ICA1: variants seen among roughly 807,000 people sequenced by gnomAD.
ICA1 encodes the protein islet cell autoantigen 1, also known as 69 kDa islet cell autoantigen.
In ICA1, 40 loss-of-function variants were observed where a neutral mutation model predicts 71.0. The ratio of observed to expected loss-of-function variants is 0.56; its 90% confidence interval spans 0.44 to 0.73. The LOEUF is 0.73. Ranked by LOEUF, ICA1 falls within the 30% of genes least tolerant of loss-of-function variation. ICA1 has a pLI of 0.00. For missense variants in ICA1, 578 were observed against 576.5 expected (o/e 1.00, Z -0.03); for synonymous variants, 207 against 209.5 (o/e 0.99, Z 0.10).
At chr7:8,213,418 G>C (rs1252601097) in intron 6 of ICA1, among the ~76,000 whole-genome samples, 5 of 152,154 alleles carry the variant, frequency 3.3e-5, no homozygotes, top group Non-Finnish European at 4.4e-5. Flanking sequence ...ACTGGCATAG[G>C]GGGAGGTGTC....
chr7:8,181,592 T>C (rs1485565157), intron 6 of ICA1, among the ~76,000 whole-genome samples: 1 of 152,198 alleles, frequency 6.6e-6, no homozygotes, highest in Non-Finnish European at 1.5e-5. Flanking sequence ...AGTCTTCTAA[T>C]TCATAAATAT....
chr7:8,192,110 C>T (rs970238335), intron 6 of ICA1, among the ~76,000 whole-genome samples: 6 of 152,080 alleles, frequency 3.9e-5, no homozygotes, highest in Non-Finnish European at 7.4e-5. Flanking sequence ...TCTTACATAA[C>T]CACAGTACAA....
In ICA1 at chr7:8,176,450, T is replaced by C. The variant is rs1312459488; in HGVS notation, c.580-17798A>G. On this transcript the variant is annotated intron_variant, in intron 6 of 13. Transcript: ENST00000402384. ...TCAGTGCACTTTGCAGACGCCCTTATGAGACAAAACCGTGGTAAGTGCCAC... is the reference window on the plus strand; with the variant it reads ...TCAGTGCACTTTGCAGACGCCCTTACGAGACAAAACCGTGGTAAGTGCCAC... 2.6e-5 allele frequency among the ~76,000 whole-genome samples: 4 copies of C among 152,350 alleles called. No individual in the cohort carries two copies. The East Asian group carries it at 7.7e-4, about 29-fold the overall frequency.
At chr7:8,124,668 C>G (rs955743630) in intron 13 of ICA1, among the ~76,000 whole-genome samples, 1 of 152,182 alleles carries the variant, frequency 6.6e-6, no homozygotes, top group East Asian at 1.9e-4. Flanking sequence ...GAATGGTCTG[C>G]TTGTTTCAAC....
At chr7:8,157,000 C>G (rs746181879) in intron 8 of ICA1, 116 bp downstream of exon 8, 3 of 1,594,064 alleles carry the variant, frequency 1.9e-6, no homozygotes, top group Non-Finnish European at 2.6e-6. Flanking sequence ...GCACAGTTCT[C>G]TCTTCAGCAT....
intron 6 of ICA1, among the ~76,000 whole-genome samples, chr7:8,161,546 C>T (rs1203682694): frequency 6.6e-6 from 1 of 152,234 alleles, no homozygotes; most frequent in Admixed American, 6.5e-5. Flanking sequence ...AAACTGTAAG[C>T]TTGACAAAAC....
chr7:8,211,868 T>C (rs1793901327), intron 6 of ICA1, among the ~76,000 whole-genome samples: 1 of 152,200 alleles, frequency 6.6e-6, no homozygotes, highest in African/African-American at 2.4e-5. Context: ...TCTGCCATGG[T>C]ATTGTGAAAG....
In ICA1 at chr7:8,203,353, A is replaced by T. The variant is rs185271568; in HGVS notation, c.579+14952T>A. Among the ~76,000 whole-genome samples the T allele has an allele frequency of 4.5e-3, 684 of 152,328 alleles. 12 individuals are homozygous for T. The highest frequency in any genetic ancestry group is 0.016 in the African/African-American group (662 of 41,566). On this transcript the variant is annotated intron_variant, in intron 6 of 13. Transcript: ENST00000402384. Reference sequence around the variant, plus strand: ...ATTCTATTAAAAAAAAAGTTAAGACATAAGAAATCTTCATATAAGTCAGAT... The same window carrying T: ...ATTCTATTAAAAAAAAAGTTAAGACTTAAGAAATCTTCATATAAGTCAGAT...
At chr7:8,150,463 A>G (rs145203843) in intron 8 of ICA1, among the ~76,000 whole-genome samples, 25 of 152,342 alleles carry the variant, frequency 1.6e-4, no homozygotes, top group African/African-American at 6.0e-4. Context: ...ACCCAGTTAA[A>G]CCTTGTATTC....
At chr7:8,189,110 A>T (rs1037059267) in intron 6 of ICA1, among the ~76,000 whole-genome samples, 1 of 152,200 alleles carries the variant, frequency 6.6e-6, no homozygotes, top group Non-Finnish European at 1.5e-5. Flanking sequence ...TTGCAATCAT[A>T]GCACTTATGA....
At chr7:8,155,456 A>G (rs6948858) in intron 8 of ICA1, among the ~76,000 whole-genome samples, 93,658 of 152,080 alleles carry the variant, frequency 0.62, 28,997 homozygotes, top group Middle Eastern at 0.76. Context: ...CCAGGGATAC[A>G]CATGTGGGTT....
chr7:8,169,283 T>C (rs1285264915), intron 6 of ICA1, among the ~76,000 whole-genome samples: 2 of 152,178 alleles, frequency 1.3e-5, no homozygotes, highest in Non-Finnish European at 2.9e-5. Flanking sequence ...TTGTTTATTG[T>C]TTCCAATTTT....
At chr7:8,236,557 C>G (rs1345136402) in intron 1 of ICA1, among the ~76,000 whole-genome samples, 2 of 152,050 alleles carry the variant, frequency 1.3e-5, no homozygotes, top group Admixed American at 1.3e-4. Flanking sequence ...CAAACCAGCA[C>G]ATTGCAAAAA....
intron 1 of ICA1, among the ~76,000 whole-genome samples, chr7:8,255,937 CTAATTTT>C (rs2128548208): frequency 6.6e-6 from 1 of 152,154 alleles, no homozygotes; most frequent in African/African-American, 2.4e-5. Context: ...CCACACCCAG[CTAATTTT>C]TTAAATTGTT....
chr7:8,180,071 T>A (rs1241609765), intron 6 of ICA1, among the ~76,000 whole-genome samples: 2 of 151,072 alleles, frequency 1.3e-5, no homozygotes, highest in Non-Finnish European at 2.9e-5. Context: ...AAATATACAG[T>A]TTTTTTTGCT....
Position 8,143,885 on chromosome 7 carries a change from C to T in ICA1, c.892G>A (p.Glu298Lys), listed in dbSNP as rs1315383464. ...QQESTDAAVQ[E>K]PSQLISLEEE... ...GAACCTGTGACTTACTGGCTCGGCT[C>T]CTGCACGGCTGCATCTGTACTTTCC... The change falls in exon 9 of 14, where the codon GAG becomes AAG. Residue 298 changes from glutamate to lysine, a missense_variant. Physicochemically the swap from Glu to Lys is moderately conservative, Grantham distance 56 (BLOSUM62 1). Transcript: ENST00000402384. The T allele has an allele frequency of 6.2e-7, 1 of 1,608,114 alleles. No homozygotes were observed. Among genetic ancestry groups the T allele is most frequent in the Admixed American group, 1.7e-5 (1 of 59,924 alleles).
chr7:8,154,205 AT>A (rs1347392084), intron 8 of ICA1, among the ~76,000 whole-genome samples: 1 of 152,222 alleles, frequency 6.6e-6, no homozygotes, highest in Non-Finnish European at 1.5e-5. Flanking sequence ...TTTTTCAAGT[AT>A]GAAGTGAAGA....
chr7:8,164,301 C>T (rs1436947431), intron 6 of ICA1, among the ~76,000 whole-genome samples: 1 of 51,652 alleles, frequency 1.9e-5, no homozygotes, highest in Non-Finnish European at 3.2e-5. Context: ...GAGACTCCGT[C>T]TCAAAAAAAA....
intron 6 of ICA1, among the ~76,000 whole-genome samples, chr7:8,161,193 C>T (rs1803647115): frequency 6.6e-6 from 1 of 152,188 alleles, no homozygotes; most frequent in Admixed American, 6.5e-5. Context: ...GAATGAGGTA[C>T]ATAACAGGGA....
Sources: gnomAD v4.1 joint callset for allele counts (sites outside exome capture counted in the v4.1 genomes callset) on GRCh38, gnomAD v4.1.1 for gene constraint, MANE v1.5 for transcripts, NCBI Gene and HGNC (gene_info 2026-07-23, HGNC 2026-07-21) for gene names.